Variants in CGNL1 observed in about 807,000 individuals in gnomAD.
The protein encoded by CGNL1 is cingulin like 1, also known as cingulin-like protein 1.
In CGNL1, 132 loss-of-function variants were observed where a neutral mutation model predicts 141.2. That is an observed-to-expected ratio of 0.93 (90% CI 0.81 to 1.08). The LOEUF is 1.08. Among genes scored for constraint, CGNL1 ranks in the 50% least tolerant of loss-of-function variants. CGNL1 has a pLI of 0.00. For synonymous variants in CGNL1, 690 were observed against 622.1 expected (o/e 1.11, Z -1.63); for missense variants, 1,870 against 1,588.6 (o/e 1.18, Z -3.01).
intron 1 of CGNL1, among the ~76,000 whole-genome samples, chr15:57,380,940 A>G (rs937348224): frequency 1.3e-5 from 2 of 152,204 alleles, no homozygotes; most frequent in Non-Finnish European, 2.9e-5. Context: ...GTTTGTATCT[A>G]TGGCTCCTGC....
At chr15:57,393,807 G>T (rs138233559) in intron 1 of CGNL1, 9 of 152,186 alleles carry the variant, frequency 5.9e-5, no homozygotes, top group Non-Finnish European at 1.2e-4. Flanking sequence ...TTGTGACTAA[G>T]TGGTGTAATT....
chr15:57,451,464 A>T, intron 4 of CGNL1, 36 bp from the exon 5 acceptor site: 1 of 1,429,310 alleles, frequency 7.0e-7, no homozygotes, highest in Non-Finnish European at 9.8e-7. Flanking sequence ...AGCACCCTGA[A>T]CATTTAAATT....
At chr15:57,411,697 A>C (rs1433482931) in intron 1 of CGNL1, among the ~76,000 whole-genome samples, 1 of 151,698 alleles carries the variant, frequency 6.6e-6, no homozygotes, top group Non-Finnish European at 1.5e-5. Context: ...CACCCACCTC[A>C]GCCTCCCAAA....
At chr15:57,446,897 C>T (rs1468741438) in intron 4 of CGNL1, among the ~76,000 whole-genome samples, 2 of 152,064 alleles carry the variant, frequency 1.3e-5, no homozygotes, top group Admixed American at 1.3e-4. Context: ...GTCTACTTGT[C>T]TCTCCTTACA....
At chr15:57,506,248 G>C (rs937193174) in intron 8 of CGNL1, among the ~76,000 whole-genome samples, 22 of 152,328 alleles carry the variant, frequency 1.4e-4, no homozygotes, top group African/African-American at 5.1e-4. Flanking sequence ...GCATTGTCTG[G>C]GTGGAGTCCC....
chr15:57,517,810 G>A (rs2030933169), intron 9 of CGNL1, among the ~76,000 whole-genome samples: 1 of 152,104 alleles, frequency 6.6e-6, no homozygotes, highest in Non-Finnish European at 1.5e-5. Flanking sequence ...CCCCCTAAAG[G>A]TCCCACCTTT....
intron 5 of CGNL1, among the ~76,000 whole-genome samples, 169 bp from the exon 6 acceptor site, chr15:57,451,968 ATGTT>A (rs2152322103): frequency 6.6e-6 from 1 of 152,300 alleles, no homozygotes; most frequent in South Asian, 2.1e-4. Flanking sequence ...TTAAATATAA[ATGTT>A]TGATGTTCTT....
At chr15:57,379,830 A>G (rs913640558) in intron 1 of CGNL1, among the ~76,000 whole-genome samples, 18 of 151,956 alleles carry the variant, frequency 1.2e-4, no homozygotes, top group Non-Finnish European at 2.4e-4. Flanking sequence ...GGAAAAAAGA[A>G]AAAAAAAGGG....
At position 57,438,897 on chromosome 15, in the gene CGNL1, T is replaced by C. The variant is rs2063144771; in HGVS notation, c.898T>C (p.Ser300Pro). 3 of 1,614,160 alleles carry C rather than the reference T, an allele frequency of 1.9e-6. No homozygotes were observed. In the East Asian group the frequency reaches 6.7e-5, roughly 36 times the overall value. ...TCGGTCCCGGAGGTCCTCCTCGTCA[T>C]CCACAACTCCCACGTCAGCCAACTC... ...GARSRRSSSS[S>P]TTPTSANSLY... is the part of the protein sequence containing the mutation. Residue 300 changes from serine to proline, a missense_variant, in exon 2 of 19, where the codon TCC (serine) becomes CCC (proline). Transcript: ENST00000281282.
intron 1 of CGNL1, among the ~76,000 whole-genome samples, chr15:57,388,205 CT>C (rs1175161812): frequency 6.6e-6 from 1 of 152,136 alleles, no homozygotes; most frequent in Non-Finnish European, 1.5e-5. Flanking sequence ...GGAGGCTCTA[CT>C]TTTTTCTCTG....
Position 57,481,694 on chromosome 15 carries a change from G to A in CGNL1, c.2403+19802G>A, listed in dbSNP as rs545696563. On this transcript the variant is annotated intron_variant, in intron 8 of 18. Transcript: ENST00000281282. ...TTTTAATTTTTTTCTGGGATAAATA[G>A]GAGTGTGAATATGTTTTAATTTTTT... 2.0e-5 allele frequency among the ~76,000 whole-genome samples: 3 copies of A among 151,858 alleles called. No individual in the cohort carries two copies. In the East Asian group the frequency reaches 5.8e-4, roughly 29 times the overall value.
At chr15:57,379,941 G>T (rs1231876121) in intron 1 of CGNL1, among the ~76,000 whole-genome samples, 1 of 152,140 alleles carries the variant, frequency 6.6e-6, no homozygotes, top group Non-Finnish European at 1.5e-5. Flanking sequence ...CCCGATTGCA[G>T]CCCCCTGTAC....
chr15:57,393,588 T>G (rs1336505270), intron 1 of CGNL1, among the ~76,000 whole-genome samples: 3 of 152,210 alleles, frequency 2.0e-5, no homozygotes, highest in South Asian at 2.1e-4. Context: ...CATCTTTTTT[T>G]GGGATCATTT....
chr15:57,518,260 C>T, intron 9 of CGNL1, 133 bp from the exon 10 acceptor site: 1 of 656,486 alleles, frequency 1.5e-6, no homozygotes, highest in Non-Finnish European at 2.7e-6. Flanking sequence ...CACCTTGGGT[C>T]TGTGACAGGT....
chr15:57,479,514 A>C (rs73421833), intron 8 of CGNL1, among the ~76,000 whole-genome samples: 5,333 of 152,200 alleles, frequency 0.035, 326 homozygotes, highest in African/African-American at 0.12. Context: ...AAATACAAAA[A>C]TTAGCTGGGC....
intron 7 of CGNL1, among the ~76,000 whole-genome samples, chr15:57,460,545 C>T (rs1352848778): frequency 6.6e-6 from 1 of 152,146 alleles, no homozygotes; most frequent in Non-Finnish European, 1.5e-5. Context: ...TTAATTGACT[C>T]ACAGTTCCGC....
chr15:57,535,721 G>A (rs111629396), intron 14 of CGNL1, among the ~76,000 whole-genome samples: 2 of 152,314 alleles, frequency 1.3e-5, no homozygotes, highest in African/African-American at 4.8e-5. Context: ...GGCAGCCATC[G>A]AAGGCGATTG....
chr15:57,392,078 G>A (rs1165966097), intron 1 of CGNL1, among the ~76,000 whole-genome samples: 1 of 152,020 alleles, frequency 6.6e-6, no homozygotes, highest in Non-Finnish European at 1.5e-5. Context: ...TCAATTTCTG[G>A]AACCAAGAAT....
chr15:57,454,467 G>C (rs141710033), intron 7 of CGNL1, among the ~76,000 whole-genome samples: 10 of 152,262 alleles, frequency 6.6e-5, no homozygotes, highest in African/African-American at 2.2e-4. Context: ...GTTGTCTACT[G>C]TTCTGTCACT....
Sources: allele counts gnomAD v4.1 joint callset (sites outside exome capture counted in the v4.1 genomes callset), GRCh38; gene constraint gnomAD v4.1.1; transcripts MANE v1.5; gene names NCBI Gene and HGNC (gene_info 2026-07-23, HGNC 2026-07-21).